SOX6: variants seen among roughly 807,000 people sequenced by gnomAD.
SOX6 encodes transcription factor SOX-6.
In SOX6, 11 loss-of-function variants were observed where a neutral mutation model predicts 97.8. The observed-to-expected ratio is 0.11, with a 90% CI of 0.07 to 0.19. The LOEUF is 0.19. Ranked by LOEUF, SOX6 falls within the 10% of genes least tolerant of loss-of-function variation. SOX6 has a pLI of 1.00. For missense variants in SOX6, 810 were observed against 1,039.5 expected, an observed-to-expected ratio of 0.78 and a Z score of 3.04; for synonymous variants, 360 against 371.4, an observed-to-expected ratio of 0.97 and a Z score of 0.35.
At chr11:16,041,685 A>T (rs1855671062) in intron 12 of SOX6, among the ~76,000 whole-genome samples, 1 of 152,196 alleles carries the variant, frequency 6.6e-6, no homozygotes, top group East Asian at 1.9e-4. Flanking sequence ...ATTAAAGAAT[A>T]TATTAAATAA....
intron 3 of SOX6, among the ~76,000 whole-genome samples, chr11:16,285,253 G>A (rs1854697596): frequency 1.3e-5 from 2 of 151,954 alleles, no homozygotes; most frequent in African/African-American, 2.4e-5. Flanking sequence ...TATTTTTAAG[G>A]CAGGTGCAGT....
At position 16,319,063 on chromosome 11, in the gene SOX6, T is replaced by C. The variant is rs542718296; in HGVS notation, c.238-410A>G. ...TTGGACACTTTTAGTATCAACACTC[T>C]TCCCACAACATAAAAAGGAGTACAT... On this transcript the variant is annotated intron_variant, in intron 2 of 15. Coordinates refer to ENST00000683767, the MANE Select transcript of SOX6 (RefSeq NM_001367873.1). Among the ~76,000 whole-genome samples the C allele has an allele frequency of 2.0e-5, 3 of 152,284 alleles. No individual in the cohort carries two copies. In the South Asian group the frequency reaches 6.2e-4, roughly 32 times the overall value.
At chr11:16,643,053 C>G (rs1172757760) in intron 3 of SOX6, among the ~76,000 whole-genome samples, 1 of 152,024 alleles carries the variant, frequency 6.6e-6, no homozygotes, top group Non-Finnish European at 1.5e-5. Flanking sequence ...TTTTATCTAC[C>G]TTTGGTCTTT....
At chr11:16,026,839 A>T (rs1047750254) in intron 12 of SOX6, among the ~76,000 whole-genome samples, 3 of 152,198 alleles carry the variant, frequency 2.0e-5, no homozygotes, top group African/African-American at 7.2e-5. Context: ...AACTAAAAAA[A>T]AATTCTGAAA....
intron 9 of SOX6, among the ~76,000 whole-genome samples, chr11:16,068,120 G>T (rs1367049659): frequency 1.3e-5 from 2 of 152,006 alleles, no homozygotes; most frequent in African/African-American, 4.8e-5. Flanking sequence ...GGGTAGGGAG[G>T]CATCCTTAAG....
At chr11:16,210,532 G>A (rs1163901266) in intron 4 of SOX6, among the ~76,000 whole-genome samples, 2 of 152,148 alleles carry the variant, frequency 1.3e-5, no homozygotes, top group African/African-American at 2.4e-5. Context: ...ATTTCTCTGA[G>A]GGTGATGTAC....
At chr11:16,117,124 T>C (rs1849367688) in intron 6 of SOX6, among the ~76,000 whole-genome samples, 1 of 151,368 alleles carries the variant, frequency 6.6e-6, no homozygotes, top group South Asian at 2.1e-4. Flanking sequence ...CCAAGCCGGG[T>C]GGATCAAGAG....
chr11:16,076,568 A>C (rs1848357578), intron 9 of SOX6, among the ~76,000 whole-genome samples: 1 of 152,052 alleles, frequency 6.6e-6, no homozygotes, highest in African/African-American at 2.4e-5. Flanking sequence ...AGACTGAGTA[A>C]TCTATGAAGA....
At chr11:16,221,142 G>A (rs887626867) in intron 4 of SOX6, among the ~76,000 whole-genome samples, 6 of 151,948 alleles carry the variant, frequency 3.9e-5, no homozygotes, top group African/African-American at 9.7e-5. Context: ...AATTTTCATA[G>A]TTTTTATAGT....
chr11:16,557,239 C>T (rs973296942), intron 4 of SOX6, among the ~76,000 whole-genome samples: 1 of 151,790 alleles, frequency 6.6e-6, no homozygotes, highest in African/African-American at 2.4e-5. Flanking sequence ...TAAAGATGGA[C>T]AAAGTAAGGT....
At position 16,281,849 on chromosome 11, in the gene SOX6, G is replaced by C. The variant is rs1854573548; in HGVS notation, c.445+36597C>G. ...ATCTTCAGATTCCAAAAAAGTCATG[G>C]CTTTATTATGTGTATTTTCACTGAG... is the stretch of plus-strand genomic sequence containing the variant. On this transcript the variant is annotated intron_variant, in intron 3 of 15. Coordinates refer to ENST00000683767, the MANE Select transcript of SOX6 (RefSeq NM_001367873.1). Among the ~76,000 whole-genome samples the C allele has an allele frequency of 2.6e-5, 4 of 151,378 alleles. No individual in the cohort carries two copies. In the Admixed American group the frequency reaches 2.6e-4, roughly 10 times the overall value.
chr11:16,258,851 A>C (rs535116412), intron 3 of SOX6, among the ~76,000 whole-genome samples: 9 of 151,684 alleles, frequency 5.9e-5, no homozygotes, highest in Non-Finnish European at 1.3e-4. Flanking sequence ...ACACATATAT[A>C]TACATATATA....
chr11:16,096,012 TTG>T lies in SOX6; in HGVS notation c.1083_1084del (p.Tyr361Ter). On this transcript the variant is annotated stop_gained and frameshift_variant, in exon 9 of 16. Transcript: ENST00000683767. LOFTEE classifies it high-confidence loss of function. ...CATTCATACCTCAATCTGTTTGTGGTTGTAAGAGTGGCCACCACCATGTTCAA... is the reference window on the plus strand; with the variant it reads ...CATTCATACCTCAATCTGTTTGTGGTTAAGAGTGGCCACCACCATGTTCAA... The T allele has an allele frequency of 6.2e-7, 1 of 1,611,268 alleles. No homozygotes were observed. The highest frequency in any genetic ancestry group is 8.5e-7 in the Non-Finnish European group (1 of 1,178,386).
chr11:16,610,495 A>G lies in SOX6; in HGVS notation n.609+1586T>C, dbSNP rs1848383842. On this transcript the variant is annotated intron_variant and non_coding_transcript_variant, in intron 4 of 5. Coordinates refer to the SOX6 transcript ENST00000524520. The surrounding 1 kb of genome is among the most constrained non-coding windows in gnomAD (Gnocchi z 4.4). ...GAGGCAAGAAGGAAAAGAAGGAGACATTATCAAGATCTCTGGCGTCCACTG... is the reference window on the plus strand; with the variant it reads ...GAGGCAAGAAGGAAAAGAAGGAGACGTTATCAAGATCTCTGGCGTCCACTG... 6.6e-6 allele frequency among the ~76,000 whole-genome samples: 1 copy of G among 152,210 alleles called. No individual in the cohort carries two copies. Among genetic ancestry groups the G allele is most frequent in the Admixed American group, 6.5e-5 (1 of 15,288 alleles).
At chr11:16,080,607 G>A (rs1460649623) in intron 9 of SOX6, among the ~76,000 whole-genome samples, 1 of 152,050 alleles carries the variant, frequency 6.6e-6, no homozygotes, top group African/African-American at 2.4e-5. Flanking sequence ...ATACTTATTG[G>A]CATTTTTATT....
In SOX6 at chr11:16,207,689, C is replaced by T. The variant is rs189605937; in HGVS notation, c.536-20734G>A. On this transcript the variant is annotated intron_variant, in intron 4 of 15. Transcript: ENST00000683767. ...GTTCTAGATTTTACAGGTTAGTGAACAAAATAAACAAAAATTTTATCCCCA... is the reference window on the plus strand; with the variant it reads ...GTTCTAGATTTTACAGGTTAGTGAATAAAATAAACAAAAATTTTATCCCCA... 4.0e-3 allele frequency among the ~76,000 whole-genome samples: 602 copies of T among 150,170 alleles called. 4 individuals carry two copies. Among genetic ancestry groups the T allele is most frequent in the African/African-American group, 0.013 (544 of 40,822 alleles).
chr11:16,521,182 G>C (rs1014537694), intron 4 of SOX6, among the ~76,000 whole-genome samples: 1 of 152,196 alleles, frequency 6.6e-6, no homozygotes, highest in South Asian at 2.1e-4. Context: ...GCCTCCTCAA[G>C]TGGGTCCCTG....
Position 16,248,002 on chromosome 11 carries a change from AC to A in SOX6, c.446-13332del, listed in dbSNP as rs1290197871. On this transcript the variant is annotated intron_variant, in intron 3 of 15. Transcript: ENST00000683767. ...AGGGGTACAGACATTGGGTAAATAC[AC>A]CCATTCCAAATGGGAGAAATTGGCC... 2.6e-5 allele frequency among the ~76,000 whole-genome samples: 4 copies of A among 152,092 alleles called. No homozygotes were observed. The East Asian group carries it at 7.7e-4, about 29-fold the overall frequency.
intron 3 of SOX6, among the ~76,000 whole-genome samples, chr11:16,282,220 G>A (rs953223331): frequency 2.7e-5 from 4 of 150,298 alleles, no homozygotes; most frequent in Non-Finnish European, 4.5e-5. Flanking sequence ...CTTCCATTGA[G>A]GTGAAGAGAT....
Sources: allele counts gnomAD v4.1 joint callset (sites outside exome capture counted in the v4.1 genomes callset), GRCh38; gene constraint gnomAD v4.1.1; non-coding constraint Gnocchi (gnomAD v3.1); transcripts MANE v1.5; gene names NCBI Gene and HGNC (gene_info 2026-07-23, HGNC 2026-07-21).